Variants in NXN observed in about 807,000 individuals in gnomAD.
NXN encodes the protein nucleoredoxin 1.
NXN carries 16 observed loss-of-function variants against 48.6 expected under a neutral mutation model. That is an observed-to-expected ratio of 0.33 (90% CI 0.22 to 0.50). NXN has a LOEUF of 0.50. Ranked by LOEUF, NXN falls within the 20% of genes least tolerant of loss-of-function variation. NXN has a pLI of 0.98. For missense variants in NXN, 492 were observed against 605.5 expected (o/e 0.81, Z 1.97); for synonymous variants, 281 against 269.6 (o/e 1.04, Z -0.41).
At chr17:892,075 A>G (rs1358559022) in intron 1 of NXN, among the ~76,000 whole-genome samples, 12 of 148,496 alleles carry the variant, frequency 8.1e-5, no homozygotes, top group African/African-American at 2.3e-4. Context: ...ACCATGCACA[A>G]CCCAACAGGG....
At chr17:887,359 G>C (rs984686520) in intron 1 of NXN, among the ~76,000 whole-genome samples, 1 of 152,168 alleles carries the variant, frequency 6.6e-6, no homozygotes, top group Admixed American at 6.6e-5. Flanking sequence ...GGCAGCGTCC[G>C]ATTCAGTGAG....
rs144998306 is a variant in NXN at position 873,162 on chromosome 17, G to A, written c.361-47084C>T. Among the ~76,000 whole-genome samples, 201 of 152,170 alleles carry A rather than the reference G, an allele frequency of 1.3e-3. 2 individuals are homozygous for A. The highest frequency in any genetic ancestry group is 4.7e-3 in the African/African-American group (196 of 41,518). ...CCAGCTTGCCAACTGCAGCTCTTGGGGCTTCTTAGCTTCTATAACCATGTG... is the reference window on the plus strand; with the variant it reads ...CCAGCTTGCCAACTGCAGCTCTTGGAGCTTCTTAGCTTCTATAACCATGTG... On this transcript the variant is annotated intron_variant, in intron 1 of 7. Coordinates refer to ENST00000336868, the MANE Select transcript of NXN (RefSeq NM_022463.5).
rs750389532 is a variant in NXN at position 805,255 on chromosome 17, G to T, written c.821-8C>A. The T allele has an allele frequency of 1.9e-6, 3 of 1,602,940 alleles. No individual in the cohort carries two copies. The highest frequency in any genetic ancestry group is 2.6e-6 in the Non-Finnish European group (3 of 1,173,704). On this transcript the variant is annotated splice_region_variant and splice_polypyrimidine_tract_variant and intron_variant, in intron 5 of 7. Coordinates refer to ENST00000336868, the MANE Select transcript of NXN (RefSeq NM_022463.5). Reference sequence around the variant, plus strand: ...TGATGAGCGTGGGGATGCCTGCAGGGAAGAGGGGGTGCTTGGCCGCTGGCC... The same window carrying T: ...TGATGAGCGTGGGGATGCCTGCAGGTAAGAGGGGGTGCTTGGCCGCTGGCC...
intron 2 of NXN, 50 bp from the exon 3 acceptor site, chr17:823,815 C>G (rs531154886): frequency 1.3e-4 from 202 of 1,607,482 alleles, no homozygotes; most frequent in South Asian, 1.2e-3. Context: ...TTCTTGATGA[C>G]CTGGGACCCA....
At chr17:898,188 C>T (rs2068507464) in intron 1 of NXN, among the ~76,000 whole-genome samples, 3 of 152,086 alleles carry the variant, frequency 2.0e-5, no homozygotes, top group South Asian at 2.1e-4. Flanking sequence ...TCTCCCTGGT[C>T]GAGGCTGGTC....
chr17:815,778 T>A (rs1181056527), intron 5 of NXN, among the ~76,000 whole-genome samples: 1 of 152,214 alleles, frequency 6.6e-6, no homozygotes, highest in African/African-American at 2.4e-5. Flanking sequence ...GGCCTGAACG[T>A]TTAACGTGCC....
chr17:953,128 T>A (rs2069130925), intron 1 of NXN, among the ~76,000 whole-genome samples: 1 of 152,100 alleles, frequency 6.6e-6, no homozygotes, highest in Non-Finnish European at 1.5e-5. Context: ...GCTCAGGGAA[T>A]GTCTGAGTAG....
chr17:972,399 C>T (rs1416710164), intron 1 of NXN, among the ~76,000 whole-genome samples: 1 of 152,034 alleles, frequency 6.6e-6, no homozygotes, highest in Non-Finnish European at 1.5e-5. Flanking sequence ...ATCGCTTGAA[C>T]CCAGGAGGCG....
intron 5 of NXN, among the ~76,000 whole-genome samples, chr17:813,202 G>A (rs1283284804): frequency 1.3e-5 from 2 of 152,268 alleles, no homozygotes; most frequent in Non-Finnish European, 2.9e-5. Flanking sequence ...CGAATGCACA[G>A]TTCCTTCAGA....
chr17:826,562 C>T (rs117938900), intron 1 of NXN, among the ~76,000 whole-genome samples: 4,632 of 152,328 alleles, frequency 0.03, 102 homozygotes, highest in Non-Finnish European at 0.046. Context: ...ACGAGAGCCT[C>T]GCCACCCTGG....
chr17:823,400 G>GA lies in NXN; in HGVS notation c.612+231dup, dbSNP rs60674309. On this transcript the variant is annotated intron_variant, in intron 3 of 7. Coordinates refer to ENST00000336868, the MANE Select transcript of NXN (RefSeq NM_022463.5). Reference sequence around the variant, plus strand: ...GGTAACAGAGCGAGACTCTGGCTCAGAAAAAAAAAAAAGAGGGCTATCGTT... The same window carrying GA: ...GGTAACAGAGCGAGACTCTGGCTCAGAAAAAAAAAAAAAGAGGGCTATCGTT... Among the ~76,000 whole-genome samples the GA allele has an allele frequency of 1.9e-3, 265 of 142,274 alleles. 1 individual carries two copies. The highest frequency in any genetic ancestry group is 7.8e-3 in the South Asian group (35 of 4,504). The allele number at this position is 142,274 out of a possible 152,430, so 93.3% of individuals were successfully genotyped here. A position where few individuals can be genotyped will look rare whatever the true frequency, so the allele number is the denominator to read the frequency against.
intron 1 of NXN, among the ~76,000 whole-genome samples, chr17:926,353 A>G (rs1209807135): frequency 2.6e-5 from 4 of 151,640 alleles, no homozygotes; most frequent in Admixed American, 2.6e-4. Context: ...CACCCGGCTA[A>G]TTTTTTTATT....
chr17:877,814 CAGGCCAGG>C (rs2068234247), intron 1 of NXN: 1 of 152,306 alleles, frequency 6.6e-6, no homozygotes, highest in South Asian at 2.1e-4. Context: ...TTTCACCAGG[CAGGCCAGG>C]AGTGGGATAG....
At chr17:864,555 C>T (rs756745531) in intron 1 of NXN, among the ~76,000 whole-genome samples, 12 of 152,316 alleles carry the variant, frequency 7.9e-5, no homozygotes, top group Non-Finnish European at 1.0e-4. Flanking sequence ...TGATAAACAT[C>T]GGTGAGACCA....
chr17:946,233 ATCCCTGCTCACTGCAAGCTCCGCCTCCCG>A (rs1435438925), intron 1 of NXN, among the ~76,000 whole-genome samples: 1 of 59,788 alleles, frequency 1.7e-5, no homozygotes, highest in Non-Finnish European at 6.2e-5. Flanking sequence ...CCTCCCGGGG[ATCCCTGCTCACTGCAAGCTCCGCCTCCCG>A]GGTTCAAGCG....
At chr17:955,715 T>G (rs1417500757) in intron 1 of NXN, among the ~76,000 whole-genome samples, 1 of 149,656 alleles carries the variant, frequency 6.7e-6, no homozygotes, top group African/African-American at 2.5e-5. Context: ...GCTAACACGG[T>G]GAAACCCTGT....
chr17:937,914 C>T (rs970415003), intron 1 of NXN, among the ~76,000 whole-genome samples: 2 of 152,202 alleles, frequency 1.3e-5, no homozygotes, highest in East Asian at 1.9e-4. Context: ...TCAGCAGCCA[C>T]GAGGGAAGAA....
chr17:902,551 G>A (rs2068546950), intron 1 of NXN, among the ~76,000 whole-genome samples: 2 of 152,118 alleles, frequency 1.3e-5, no homozygotes, highest in African/African-American at 4.8e-5. Context: ...GCTTTTTAAA[G>A]GCAACTGTCA....
chr17:947,521 C>T (rs2069056965), intron 1 of NXN, among the ~76,000 whole-genome samples: 1 of 151,768 alleles, frequency 6.6e-6, no homozygotes, highest in African/African-American at 2.4e-5. Flanking sequence ...TCACTTGAGG[C>T]CAGGAGTTCG....
Sources: gnomAD v4.1 joint callset for allele counts (sites outside exome capture counted in the v4.1 genomes callset) on GRCh38, gnomAD v4.1.1 for gene constraint, MANE v1.5 for transcripts, NCBI Gene and HGNC (gene_info 2026-07-23, HGNC 2026-07-21) for gene names.